MACROD2: variants seen among roughly 807,000 people sequenced by gnomAD.
MACROD2 encodes the protein mono-ADP ribosylhydrolase 2.
In MACROD2, 36 loss-of-function variants were observed where a neutral mutation model predicts 70.4. That is an observed-to-expected ratio of 0.51 (90% CI 0.39 to 0.68). The LOEUF is 0.68. MACROD2 is among the 30% of genes least tolerant of loss of function. The pLI is 0.00. For missense variants in MACROD2, 496 were observed against 538.4 expected (o/e 0.92, Z 0.78); for synonymous variants, 172 against 178.8 (o/e 0.96, Z 0.30).
At chr20:15,174,856 G>GT (rs935723212) in intron 5 of MACROD2, among the ~76,000 whole-genome samples, 5 of 151,918 alleles carry the variant, frequency 3.3e-5, no homozygotes, top group East Asian at 3.9e-4. Flanking sequence ...GGGGTTGTTT[G>GT]TTTTTTTCTT....
At chr20:15,714,093 T>TG (rs2050672652) in intron 8 of MACROD2, among the ~76,000 whole-genome samples, 1 of 151,868 alleles carries the variant, frequency 6.6e-6, no homozygotes. Context: ...AAATTCTACC[T>TG]GGCCCTAAAT....
At chr20:15,825,438 AC>A (rs2063986440) in intron 8 of MACROD2, among the ~76,000 whole-genome samples, 1 of 151,634 alleles carries the variant, frequency 6.6e-6, no homozygotes, top group African/African-American at 2.4e-5. Context: ...ACCCATTGAG[AC>A]CCAAGCTGAA....
intron 5 of MACROD2, among the ~76,000 whole-genome samples, chr20:14,933,492 C>A (rs2074314190): frequency 6.6e-6 from 1 of 151,828 alleles, no homozygotes. Context: ...CCAGCCTGGG[C>A]AACATAGAGA....
At chr20:15,635,821 G>A (rs925227861) in intron 8 of MACROD2, among the ~76,000 whole-genome samples, 4 of 151,586 alleles carry the variant, frequency 2.6e-5, no homozygotes, top group African/African-American at 9.7e-5. Context: ...TAATCCCAGC[G>A]CTTTGGGAGG....
chr20:14,296,031 T>G (rs546549824), intron 3 of MACROD2, among the ~76,000 whole-genome samples: 1 of 151,950 alleles, frequency 6.6e-6, no homozygotes, highest in Non-Finnish European at 1.5e-5. Context: ...GTTGGAATCG[T>G]CTATCTATAT....
chr20:14,976,186 C>G (rs2074737910), intron 5 of MACROD2, among the ~76,000 whole-genome samples: 1 of 151,976 alleles, frequency 6.6e-6, no homozygotes, highest in Non-Finnish European at 1.5e-5. Context: ...TAACAAATTA[C>G]CACAGATTTC....
chr20:15,434,483 CT>C (rs2046403593), intron 7 of MACROD2, among the ~76,000 whole-genome samples: 1 of 152,128 alleles, frequency 6.6e-6, no homozygotes, highest in African/African-American at 2.4e-5. Flanking sequence ...CACCTTACTC[CT>C]GCAAGAATGG....
At chr20:15,522,408 T>TA (rs2047665291) in intron 8 of MACROD2, among the ~76,000 whole-genome samples, 1 of 152,364 alleles carries the variant, frequency 6.6e-6, no homozygotes, top group African/African-American at 2.4e-5. Context: ...TAGCTGATAC[T>TA]AAATCACACC....
chr20:14,899,503 T>C (rs1442784378), intron 5 of MACROD2, among the ~76,000 whole-genome samples: 2 of 152,176 alleles, frequency 1.3e-5, no homozygotes, highest in Non-Finnish European at 2.9e-5. Context: ...GAAGCATCAC[T>C]CTGATCACTG....
At chr20:15,595,487 G>A (rs1166628357) in intron 8 of MACROD2, among the ~76,000 whole-genome samples, 3 of 152,040 alleles carry the variant, frequency 2.0e-5, no homozygotes, top group South Asian at 2.1e-4. Flanking sequence ...TTTATTCATT[G>A]CAACATTATT....
intron 2 of MACROD2, among the ~76,000 whole-genome samples, chr20:14,018,509 G>A (rs139742218): frequency 3.4e-4 from 52 of 152,166 alleles, no homozygotes; most frequent in African/African-American, 1.2e-3. Flanking sequence ...TTTTTCAGGA[G>A]TATGTTGCCT....
chr20:15,637,354 G>A (rs1376591407), intron 8 of MACROD2, among the ~76,000 whole-genome samples: 5 of 152,202 alleles, frequency 3.3e-5, no homozygotes, highest in Non-Finnish European at 7.3e-5. Flanking sequence ...TATTGGCTAT[G>A]TGGTGATTGA....
intron 8 of MACROD2, among the ~76,000 whole-genome samples, chr20:15,857,894 C>G (rs1449765137): frequency 6.6e-6 from 1 of 152,116 alleles, no homozygotes; most frequent in East Asian, 1.9e-4. Flanking sequence ...GTGTGTGTCT[C>G]TAGGTGATAT....
chr20:15,589,992 CATAAT>C (rs1333822200), intron 8 of MACROD2, among the ~76,000 whole-genome samples: 2 of 152,074 alleles, frequency 1.3e-5, no homozygotes, highest in African/African-American at 4.8e-5. Context: ...GTTATTCAAA[CATAAT>C]ATAAAGTCAT....
chr20:15,619,980 G>A (rs1015870649), intron 8 of MACROD2, among the ~76,000 whole-genome samples: 1 of 152,028 alleles, frequency 6.6e-6, no homozygotes, highest in Non-Finnish European at 1.5e-5. Flanking sequence ...GCAGGGCGTG[G>A]TCTAAACGAA....
chr20:14,684,978 T>G lies in MACROD2; in HGVS notation c.418+19T>G. On this transcript the variant is annotated intron_variant, in intron 5 of 17. Transcript: ENST00000684519. ...GCAAAATGTGAGTACAACTGAATAC[T>G]GTTTCAAAACCAGATGAGACATCTT... 1 of 1,583,324 alleles carries G rather than the reference T, an allele frequency of 6.3e-7. No individual in the cohort carries two copies. The highest frequency in any genetic ancestry group is 8.7e-7 in the Non-Finnish European group (1 of 1,152,756).
chr20:14,209,632 G>T (rs2081554679), intron 3 of MACROD2, among the ~76,000 whole-genome samples: 1 of 152,090 alleles, frequency 6.6e-6, no homozygotes, highest in African/African-American at 2.4e-5. Flanking sequence ...CCTTCTTGTG[G>T]GTCATTTAGG....
At chr20:14,921,823 A>G (rs1294080275) in intron 5 of MACROD2, among the ~76,000 whole-genome samples, 1 of 152,222 alleles carries the variant, frequency 6.6e-6, no homozygotes, top group Non-Finnish European at 1.5e-5. Flanking sequence ...TTATTTACTC[A>G]AACATTTCCA....
intron 2 of MACROD2, among the ~76,000 whole-genome samples, chr20:14,021,359 A>G (rs2148624594): frequency 6.6e-6 from 1 of 152,140 alleles, no homozygotes; most frequent in Admixed American, 6.5e-5. Flanking sequence ...AGTCTTTTGT[A>G]TTGTCCCAGG....
Sources: gnomAD v4.1 joint callset for allele counts (sites outside exome capture counted in the v4.1 genomes callset) on GRCh38, gnomAD v4.1.1 for gene constraint, MANE v1.5 for transcripts, NCBI Gene and HGNC (gene_info 2026-07-23, HGNC 2026-07-21) for gene names.